The following MMAA variants were observed in gnomAD, a reference collection of about 807,000 sequenced individuals.
MMAA encodes methylmalonic aciduria type A protein, mitochondrial.
MMAA carries 41 observed loss-of-function variants against 45.0 expected under a neutral mutation model. That is an observed-to-expected ratio of 0.91 (90% confidence interval 0.71 to 1.18). MMAA has a LOEUF of 1.18. MMAA is among the 50% of genes most tolerant of loss of function. MMAA has a pLI of 0.00. For synonymous variants in MMAA, 154 were observed against 178.2 expected, an observed-to-expected ratio of 0.86 and a Z score of 1.08; for missense variants, 460 against 495.7, an observed-to-expected ratio of 0.93 and a Z score of 0.68.
intron 1 of MMAA, among the ~76,000 whole-genome samples, chr4:145,634,229 A>C (rs867222280): frequency 1.3e-5 from 2 of 152,318 alleles, no homozygotes; most frequent in South Asian, 2.1e-4. Flanking sequence ...CTGGAAATCT[A>C]CGTGATGCTG....
At chr4:145,624,311 C>T (rs1734152269) in intron 1 of MMAA, 1 of 792,742 alleles carries the variant, frequency 1.3e-6, no homozygotes, top group South Asian at 1.3e-5. Flanking sequence ...ACTTCTAGGT[C>T]TTCTTTCGAA....
In MMAA at chr4:145,639,553, A is replaced by G. The variant is rs1237655127; in HGVS notation, c.414A>G (p.Lys138=). The change falls in exon 2 of 7, where the codon AAA becomes AAG. Residue 138 remains lysine, a synonymous_variant. Coordinates refer to ENST00000649156, the MANE Select transcript of MMAA (RefSeq NM_172250.3). ...ACAGAGAACAAGAACAATCAAATAA[A>G]GGAAAACCACTAGCATTTCGAGTAG... ...LYHREQEQSN[K]GKPLAFRVGL... The G allele has an allele frequency of 1.9e-6, 3 of 1,609,480 alleles. No individual in the cohort carries two copies. The Admixed American group carries it at 5.0e-5, about 27-fold the overall frequency.
In MMAA at chr4:145,640,492, T is replaced by C. The variant is rs1049879910; in HGVS notation, c.439+914T>C. Among the ~76,000 whole-genome samples, 25 of 152,164 alleles carry C rather than the reference T, an allele frequency of 1.6e-4. 2 individuals are homozygous for C. Among genetic ancestry groups the C allele is most frequent in the Admixed American group, 1.6e-3 (24 of 15,276 alleles). On this transcript the variant is annotated intron_variant, in intron 2 of 6. Transcript: ENST00000649156. ...GACATCATGCTTGGCTCCAATATCATGCCTCCAACATCATCCTTGGCTAAT... is the reference window on the plus strand; with the variant it reads ...GACATCATGCTTGGCTCCAATATCACGCCTCCAACATCATCCTTGGCTAAT...
rs140321417 is a variant in MMAA at position 145,632,278 on chromosome 4, G to C, written c.-65-6797G>C. Among the ~76,000 whole-genome samples, 1,004 of 152,266 alleles carry C rather than the reference G, an allele frequency of 6.6e-3. 5 individuals are homozygous for C. The highest frequency in any genetic ancestry group is 0.011 in the Non-Finnish European group (745 of 68,014). On this transcript the variant is annotated intron_variant, in intron 1 of 6. Transcript: ENST00000649156. ...TATTTTCACTGGATATACTATTCTA[G>C]TGTACATTTGTTTTTTTCCCTTCAG...
chr4:145,620,119 GA>G (rs1403077715), intron 1 of MMAA, among the ~76,000 whole-genome samples: 1 of 152,162 alleles, frequency 6.6e-6, no homozygotes, highest in East Asian at 1.9e-4. Context: ...AAAGTTTCCA[GA>G]AAAACTGTGT....
intron 5 of MMAA, among the ~76,000 whole-genome samples, chr4:145,652,941 C>T (rs1366380123): frequency 6.6e-6 from 1 of 151,950 alleles, no homozygotes; most frequent in African/African-American, 2.4e-5. Context: ...ATGATCATAG[C>T]TCACTGTAAC....
At chr4:145,625,035 C>T (rs1320859391) in intron 1 of MMAA, 1 of 907,352 alleles carries the variant, frequency 1.1e-6, no homozygotes, top group African/African-American at 1.6e-5. Context: ...AACAAGAGCT[C>T]AAACTTCTCA....
At position 145,636,134 on chromosome 4, in the gene MMAA, G is replaced by A. The variant is rs1347567567; in HGVS notation, c.-65-2941G>A. Among the ~76,000 whole-genome samples the A allele has an allele frequency of 2.0e-5, 3 of 152,318 alleles. No homozygotes were observed. In the East Asian group the frequency reaches 5.8e-4, roughly 29 times the overall value. ...GACTCTAATGTGCCAGGCATTTGGG[G>A]AATGAAATAAGTTCAGATCAGCAGC... On this transcript the variant is annotated intron_variant, in intron 1 of 6. Coordinates refer to ENST00000649156, the MANE Select transcript of MMAA (RefSeq NM_172250.3).
intron 1 of MMAA, chr4:145,624,163 A>G (rs532116076): frequency 3.8e-6 from 4 of 1,047,512 alleles, no homozygotes; most frequent in Admixed American, 3.4e-5. Flanking sequence ...ACTCCTTCAC[A>G]TCTGTAGAGG....
At chr4:145,623,280 A>G (rs753171233) in intron 1 of MMAA, among the ~76,000 whole-genome samples, 10 of 152,210 alleles carry the variant, frequency 6.6e-5, no homozygotes, top group African/African-American at 2.2e-4. Flanking sequence ...GGATGCACCA[A>G]TAATCCCTAT....
At position 145,642,424 on chromosome 4, in the gene MMAA, T is replaced by G; in HGVS notation, c.501T>G (p.Leu167=). ...TTATAGAATATTTTGGAAAAATGCT[T>G]ACTGAGAGAGGGCACAAATTATCTG... ...STFIEYFGKM[L]TERGHKLSVL... is the part of the protein sequence containing the mutation. Residue 167 remains leucine, a synonymous_variant, in exon 3 of 7, where the codon CTT becomes CTG. Coordinates refer to ENST00000649156, the MANE Select transcript of MMAA (RefSeq NM_172250.3). 1.2e-6 allele frequency: 2 copies of G among 1,614,194 alleles called. No individual in the cohort carries two copies. The highest frequency in any genetic ancestry group is 2.2e-5 in the South Asian group (2 of 91,076).
At chr4:145,649,364 C>A (rs74405925) in intron 4 of MMAA, among the ~76,000 whole-genome samples, 4,799 of 152,252 alleles carry the variant, frequency 0.032, 100 homozygotes, top group Middle Eastern at 0.078. Context: ...ACAGTGCCCT[C>A]GGTGTCACAG....
intron 1 of MMAA, among the ~76,000 whole-genome samples, chr4:145,633,940 A>C (rs28861736): frequency 1.7e-3 from 255 of 152,310 alleles, no homozygotes; most frequent in African/African-American, 5.7e-3. Context: ...GTTTTGAGCC[A>C]CCTGGAGCTG....
Position 145,639,582 on chromosome 4 carries a change from A to G in MMAA, c.439+4A>G, listed in dbSNP as rs771244867. On this transcript the variant is annotated splice_donor_region_variant and intron_variant, in intron 2 of 6. Coordinates refer to ENST00000649156, the MANE Select transcript of MMAA (RefSeq NM_172250.3). ...AAACCACTAGCATTTCGAGTAGGTC[A>G]GTCTTTTTTGTGTGTTTTCTCAGTA... is the stretch of plus-strand genomic sequence containing the variant. 3 of 1,606,328 alleles carry G rather than the reference A, an allele frequency of 1.9e-6. No individual in the cohort carries two copies. The highest frequency in any genetic ancestry group is 2.6e-6 in the Non-Finnish European group (3 of 1,175,636).
rs1371322650 is a variant in MMAA, at chr4:145,639,315, A to G, written c.176A>G (p.Asp59Gly). 6.2e-7 allele frequency: 1 copy of G among 1,614,080 alleles called. No individual in the cohort carries two copies. Among genetic ancestry groups the G allele is most frequent in the African/African-American group, 1.3e-5 (1 of 74,936 alleles). Residue 59 changes from aspartate (D) to glycine (G), a missense_variant, in exon 2 of 7, where the codon GAT (aspartate) becomes GGT (glycine). Asp to Gly is a moderately conservative substitution (Grantham distance 94). Transcript: ENST00000649156. ...TGTACAAAGTGGATGCTGCTGTCAG[A>G]TGGCTTAAAGAGAAAATTATGTGTA... ...LHCTKWMLLS[D>G]GLKRKLCVQT... is the part of the protein sequence containing the mutation.
chr4:145,642,572 C>CT, intron 3 of MMAA, 87 bp downstream of exon 3: 1 of 1,570,450 alleles, frequency 6.4e-7, no homozygotes, highest in Non-Finnish European at 8.7e-7. Flanking sequence ...TGGGTGACCT[C>CT]TAACTGCTAG....
rs369712158 is a variant in MMAA, at chr4:145,654,158, A to C, written c.969+15A>C. ...GGAAACCAAAGGTAAGCTTGCTTGC[A>C]TTCTGTATCTTTCACTCTGAATGGA... On this transcript the variant is annotated intron_variant, in intron 6 of 6. Coordinates refer to ENST00000649156, the MANE Select transcript of MMAA (RefSeq NM_172250.3). The C allele has an allele frequency of 1.1e-5, 18 of 1,613,990 alleles. No individual in the cohort carries two copies. The highest frequency in any genetic ancestry group is 1.7e-6 in the Non-Finnish European group (2 of 1,179,964).
rs770636513 is a variant in MMAA, at chr4:145,651,103, A to C, written c.775A>C (p.Met259Leu). 7.4e-6 allele frequency: 12 copies of C among 1,614,084 alleles called. No individual in the cohort carries two copies. In the East Asian group the frequency reaches 2.7e-4, roughly 36 times the overall value. Residue 259 changes from methionine to leucine, a missense_variant, in exon 5 of 7, where the codon ATG becomes CTG. By Grantham distance (15) the Met-to-Leu change is conservative (BLOSUM62 2). Transcript: ENST00000649156. ...GTTTGCTGTTGCTGACATGGTTGAC[A>C]TGTTTGTTTTACTACTGCCACCAGC... ...SEFAVADMVD[M>L]FVLLLPPAGG...
intron 1 of MMAA, among the ~76,000 whole-genome samples, chr4:145,635,235 C>T (rs1159191013): frequency 1.3e-5 from 2 of 152,136 alleles, no homozygotes; most frequent in African/African-American, 4.8e-5. Flanking sequence ...TCTGTGAGCT[C>T]AGGAAACTCA....
Sources: allele counts gnomAD v4.1 joint callset (sites outside exome capture counted in the v4.1 genomes callset), GRCh38; gene constraint gnomAD v4.1.1; transcripts MANE v1.5; gene names NCBI Gene and HGNC (gene_info 2026-07-23, HGNC 2026-07-21).